Variants in FAM78B observed in about 807,000 individuals in gnomAD.
FAM78B encodes family with sequence similarity 78 member B, also known as protein FAM78B.
FAM78B carries 10 observed loss-of-function variants against 20.0 expected under a neutral mutation model. The ratio of observed to expected loss-of-function variants is 0.50; its 90% CI spans 0.31 to 0.85. The LOEUF (loss-of-function observed/expected upper bound fraction) is 0.85. FAM78B is among the 40% of genes least tolerant of loss of function. The pLI, the probability that FAM78B is intolerant of heterozygous loss-of-function variation, is 0.05. For synonymous variants in FAM78B, 135 were observed against 132.8 expected, an observed-to-expected ratio of 1.02 and a Z score of -0.12; for missense variants, 283 against 345.0, an observed-to-expected ratio of 0.82 and a Z score of 1.42.
downstream of FAM78B, among the ~76,000 whole-genome samples, chr1:166,064,828 C>G (rs1394422642): frequency 6.6e-6 from 1 of 152,200 alleles, no homozygotes; most frequent in African/African-American, 2.4e-5. Flanking sequence ...TCTTTCTGAT[C>G]GTGATGTTGG....
intron 1 of FAM78B, among the ~76,000 whole-genome samples, chr1:166,148,623 A>G (rs537562233): frequency 4.1e-4 from 63 of 152,350 alleles, no homozygotes; most frequent in Admixed American, 9.2e-4. Flanking sequence ...GATCTGCCCA[A>G]TGGCAGGCGG....
intron 1 of FAM78B, among the ~76,000 whole-genome samples, chr1:166,161,632 G>C (rs994586129): frequency 2.0e-5 from 3 of 152,212 alleles, no homozygotes; most frequent in Non-Finnish European, 1.5e-5. Flanking sequence ...AGTAGACAGA[G>C]AGAGTGGTGG....
At chr1:166,079,903 A>G (rs1180663344) in intron 1 of FAM78B, among the ~76,000 whole-genome samples, 1 of 152,214 alleles carries the variant, frequency 6.6e-6, no homozygotes, top group East Asian at 1.9e-4. Context: ...AACCCAGGAC[A>G]GTTCCAACCT....
At chr1:166,072,810 G>A (rs1652101377) in intron 1 of FAM78B, among the ~76,000 whole-genome samples, 1 of 152,200 alleles carries the variant, frequency 6.6e-6, no homozygotes, top group Admixed American at 6.5e-5. Flanking sequence ...AGGGCTTACT[G>A]TGGCGTATTG....
chr1:166,063,190 C>T (rs1651670835), intron 2 of FAM78B, among the ~76,000 whole-genome samples: 1 of 152,242 alleles, frequency 6.6e-6, no homozygotes, highest in South Asian at 2.1e-4. Flanking sequence ...CCCAAAACTT[C>T]CTGTTGGCAT....
chr1:166,151,223 T>C (rs2101798048), intron 1 of FAM78B, among the ~76,000 whole-genome samples: 1 of 152,362 alleles, frequency 6.6e-6, no homozygotes, highest in South Asian at 2.1e-4. Flanking sequence ...ACAATCTGAC[T>C]GTCTCGTCCA....
intron 1 of FAM78B, among the ~76,000 whole-genome samples, chr1:166,085,406 A>G (rs1652787351): frequency 6.6e-6 from 1 of 152,156 alleles, no homozygotes; most frequent in Non-Finnish European, 1.5e-5. Flanking sequence ...GTCAGAACTC[A>G]AGATCTCTTC....
At chr1:166,141,454 TATTCTTCAC>T (rs1465900972) in intron 1 of FAM78B, among the ~76,000 whole-genome samples, 4 of 152,376 alleles carry the variant, frequency 2.6e-5, no homozygotes, top group Admixed American at 2.0e-4. Flanking sequence ...ACTTCTTGTA[TATTCTTCAC>T]ATAGTTTTGA....
intron 1 of FAM78B, among the ~76,000 whole-genome samples, chr1:166,143,531 T>A (rs1318442001): frequency 6.6e-6 from 1 of 152,080 alleles, no homozygotes; most frequent in African/African-American, 2.4e-5. Flanking sequence ...TTGAAGGGAA[T>A]GGGGAACCTT....
intron 2 of FAM78B, among the ~76,000 whole-genome samples, chr1:166,062,976 C>T (rs1049431283): frequency 6.6e-6 from 1 of 152,160 alleles, no homozygotes; most frequent in African/African-American, 2.4e-5. Flanking sequence ...TTTCCTAGCG[C>T]CTTTCCTTCA....
intron 1 of FAM78B, among the ~76,000 whole-genome samples, chr1:166,109,504 A>G (rs1046124592): frequency 3.3e-5 from 5 of 152,020 alleles, no homozygotes; most frequent in Non-Finnish European, 4.4e-5. Flanking sequence ...AAAAATCAAA[A>G]AACAGTAGAT....
intron 1 of FAM78B, among the ~76,000 whole-genome samples, chr1:166,124,209 T>C (rs1056104272): frequency 6.6e-6 from 1 of 152,180 alleles, no homozygotes; most frequent in Admixed American, 6.5e-5. Context: ...TTTTGCACCT[T>C]CTTTGGTTGG....
chr1:166,138,120 T>G (rs1655138106), intron 1 of FAM78B, among the ~76,000 whole-genome samples: 2 of 152,154 alleles, frequency 1.3e-5, no homozygotes, highest in African/African-American at 4.8e-5. Context: ...GACTCTCACC[T>G]TTACAGAAAG....
intron 1 of FAM78B, among the ~76,000 whole-genome samples, chr1:166,123,882 C>T (rs1250080144): frequency 6.6e-6 from 1 of 152,148 alleles, no homozygotes; most frequent in Non-Finnish European, 1.5e-5. Context: ...CAGCTTGGGT[C>T]GCATGCCCAT....
At chr1:166,156,153 TGCGAGG>T (rs1655886850) in intron 1 of FAM78B, among the ~76,000 whole-genome samples, 2 of 152,274 alleles carry the variant, frequency 1.3e-5, no homozygotes, top group Non-Finnish European at 2.9e-5. Context: ...CCAGAGGCTT[TGCGAGG>T]CAGGCCTCGC....
intron 1 of FAM78B, among the ~76,000 whole-genome samples, chr1:166,160,244 G>T (rs1477883831): frequency 1.3e-5 from 2 of 152,170 alleles, no homozygotes; most frequent in Non-Finnish European, 2.9e-5. Context: ...CATGTAACTG[G>T]TAACAAAAAG....
Position 166,109,914 on chromosome 1 carries a change from ATATAT to A in FAM78B, c.264-39156_264-39152del, listed in dbSNP as rs1653983327. Among the ~76,000 whole-genome samples, 4 of 112,890 alleles carry A rather than the reference ATATAT, an allele frequency of 3.5e-5. No homozygotes were observed. The East Asian group carries it at 8.7e-4, about 25-fold the overall frequency. The allele number at this position is 112,890 out of a possible 152,430, so 74.1% of individuals were successfully genotyped here. On this transcript the variant is annotated intron_variant, in intron 1 of 1. Coordinates refer to ENST00000354422, the MANE Select transcript of FAM78B (RefSeq NM_001017961.5). ...TGTATATATATATATATATATATAT[ATATAT>A]AATGGAATACTATGCAGACATAAAA...
intron 1 of FAM78B, among the ~76,000 whole-genome samples, chr1:166,095,638 C>A (rs1202367653): frequency 6.6e-6 from 1 of 152,160 alleles, no homozygotes; most frequent in African/African-American, 2.4e-5. Context: ...GAACCCCAGG[C>A]CTCCTCAGAG....
In FAM78B at chr1:166,081,443, T is replaced by C. The variant is rs192711473; in HGVS notation, c.264-10680A>G. Among the ~76,000 whole-genome samples, 466 of 152,166 alleles carry C rather than the reference T, an allele frequency of 3.1e-3. 2 individuals carry two copies. Among genetic ancestry groups the C allele is most frequent in the Middle Eastern group, 6.8e-3 (2 of 294 alleles). On this transcript the variant is annotated intron_variant, in intron 1 of 1. Transcript: ENST00000354422. ...CAGTTTTCTAGGTCACATCTGAAAA[T>C]GGTTGACTTCCGACTCCAATTCTGA...
Sources: allele counts gnomAD v4.1 joint callset (sites outside exome capture counted in the v4.1 genomes callset), GRCh38; gene constraint gnomAD v4.1.1; transcripts MANE v1.5; gene names NCBI Gene and HGNC (gene_info 2026-07-23, HGNC 2026-07-21).